The following DENND5B variants were observed in gnomAD, a reference collection of about 807,000 sequenced individuals.
DENND5B encodes the protein DENN domain containing 5B.
A neutral mutation model predicts 140.6 loss-of-function variants in DENND5B; 34 were observed. That is an observed-to-expected ratio of 0.24 (90% CI 0.18 to 0.32). The LOEUF is 0.32. Among genes scored for constraint, DENND5B ranks in the 10% least tolerant of loss-of-function variants. The pLI is 1.00. For synonymous variants in DENND5B, 551 were observed against 562.1 expected (o/e 0.98, Z 0.28); for missense variants, 1,142 against 1,560.2 (o/e 0.73, Z 4.52).
At chr12:31,588,182 G>C (rs987221805) in intron 1 of DENND5B, among the ~76,000 whole-genome samples, 1 of 152,066 alleles carries the variant, frequency 6.6e-6, no homozygotes, top group African/African-American at 2.4e-5. Flanking sequence ...TTTCTTCTGC[G>C]TGCAATGCTG....
intron 13 of DENND5B, among the ~76,000 whole-genome samples, chr12:31,410,549 G>C (rs1380242029): frequency 6.6e-6 from 1 of 152,008 alleles, no homozygotes; most frequent in Non-Finnish European, 1.5e-5. Context: ...GGGACCACAG[G>C]TGCACGCTAC....
intron 1 of DENND5B, among the ~76,000 whole-genome samples, chr12:31,565,222 G>A (rs1376933514): frequency 6.6e-6 from 1 of 151,806 alleles, no homozygotes; most frequent in Non-Finnish European, 1.5e-5. Flanking sequence ...GCAAAACTCT[G>A]TCTCCACAAA....
chr12:31,585,547 A>G (rs905094987), intron 1 of DENND5B, among the ~76,000 whole-genome samples: 3 of 152,342 alleles, frequency 2.0e-5, no homozygotes, highest in South Asian at 2.1e-4. Flanking sequence ...TTTAAATAGA[A>G]TAACTATGGA....
intron 3 of DENND5B, among the ~76,000 whole-genome samples, chr12:31,470,660 T>C (rs1243492998): frequency 5.3e-5 from 8 of 152,240 alleles, no homozygotes; most frequent in Non-Finnish European, 1.2e-4. Flanking sequence ...AGGACAGTCT[T>C]GTGAGAATGA....
intron 19 of DENND5B, among the ~76,000 whole-genome samples, chr12:31,391,152 A>C (rs541511825): frequency 1.1e-4 from 16 of 152,272 alleles, no homozygotes; most frequent in Admixed American, 3.3e-4. Flanking sequence ...ACTGGCACTA[A>C]ACACCCCCTC....
intron 3 of DENND5B, among the ~76,000 whole-genome samples, chr12:31,478,699 T>TAA (rs34417003): frequency 2.4e-4 from 36 of 149,394 alleles, no homozygotes; most frequent in Non-Finnish European, 2.2e-4. Context: ...AGAACTTGTC[T>TAA]AAAAAAAAAA....
At chr12:31,546,899 C>T (rs1487185543) in intron 1 of DENND5B, among the ~76,000 whole-genome samples, 1 of 152,210 alleles carries the variant, frequency 6.6e-6, no homozygotes, top group African/African-American at 2.4e-5. Context: ...CAGTCCGCAA[C>T]ATGAATTTCT....
At chr12:31,499,286 A>G (rs1946909858) in intron 1 of DENND5B, among the ~76,000 whole-genome samples, 1 of 152,244 alleles carries the variant, frequency 6.6e-6, no homozygotes, top group Non-Finnish European at 1.5e-5. Flanking sequence ...TACGACTGCT[A>G]CAACTACATA....
At chr12:31,437,610 T>C (rs1272166499) in intron 7 of DENND5B, among the ~76,000 whole-genome samples, 1 of 152,210 alleles carries the variant, frequency 6.6e-6, no homozygotes, top group African/African-American at 2.4e-5. Context: ...TTTCAGTCCA[T>C]ATGCATGTTT....
chr12:31,513,605 T>C (rs1475864730), intron 1 of DENND5B, among the ~76,000 whole-genome samples: 2 of 152,188 alleles, frequency 1.3e-5, no homozygotes, highest in Admixed American at 6.5e-5. Context: ...ACAACTCTTT[T>C]ATTTGGCTCC....
At chr12:31,442,367 G>C (rs1346953614) in intron 7 of DENND5B, among the ~76,000 whole-genome samples, 1 of 152,170 alleles carries the variant, frequency 6.6e-6, no homozygotes, top group Non-Finnish European at 1.5e-5. Flanking sequence ...CCCCAAAACT[G>C]TGGAAGAATA....
rs553411725 is a variant in DENND5B, at chr12:31,460,336, A to G, written c.950T>C (p.Leu317Ser). 6.2e-7 allele frequency: 1 copy of G among 1,614,028 alleles called. No individual in the cohort carries two copies. Among genetic ancestry groups the G allele is most frequent in the Non-Finnish European group, 8.5e-7 (1 of 1,179,896 alleles). The part of the protein sequence containing the change: ...MTVAEGITTL[L>S]FPFQWQHVYV... ...AACATGTTGCCATTGAAATGGGAAC[A>G]AAAGTGTGGTGATGCCTTCTGCCAC... The change falls in exon 4 of 21, where the codon TTG (leucine) becomes TCG (serine). Residue 317 changes from leucine (L) to serine (S), a missense_variant. By Grantham distance (145) the Leu-to-Ser change is moderately radical (BLOSUM62 -2). Transcript: ENST00000389082.
chr12:31,437,012 G>A (rs1416707588), intron 7 of DENND5B, among the ~76,000 whole-genome samples: 1 of 152,022 alleles, frequency 6.6e-6, no homozygotes, highest in African/African-American at 2.4e-5. Context: ...CATCCTGTAC[G>A]CCTCAATTAT....
intron 1 of DENND5B, among the ~76,000 whole-genome samples, chr12:31,510,659 ATCTC>A (rs945220592): frequency 2.0e-5 from 3 of 151,892 alleles, no homozygotes; most frequent in Non-Finnish European, 2.9e-5. Flanking sequence ...TGCACTTGAA[ATCTC>A]TCTAATTTCT....
At chr12:31,426,502 C>T in intron 8 of DENND5B, 78 bp from the exon 9 acceptor site, 2 of 1,479,494 alleles carry the variant, frequency 1.4e-6, no homozygotes, top group Middle Eastern at 1.8e-4. Flanking sequence ...CAAACAAGTG[C>T]AGAGACAAAT....
At position 31,480,010 on chromosome 12, in the gene DENND5B, A is replaced by G. The variant is rs746968686; in HGVS notation, c.483T>C (p.Ser161=). 1.2e-6 allele frequency: 2 copies of G among 1,614,010 alleles called. No individual in the cohort carries two copies. Among genetic ancestry groups the G allele is most frequent in the Non-Finnish European group, 1.7e-6 (2 of 1,179,878 alleles). The change falls in exon 3 of 21, where the codon AGT becomes AGC. Residue 161 remains serine, a synonymous_variant. Transcript: ENST00000389082. ...SSCSMDSLAS[S]LDEGDTTSLL... is the part of the protein sequence containing the mutation. ...GGGAAGTTGTATCTCCTTCATCAAGACTACTTGCCAATGAGTCCATACTGC... is the reference window on the plus strand; with the variant it reads ...GGGAAGTTGTATCTCCTTCATCAAGGCTACTTGCCAATGAGTCCATACTGC...
At chr12:31,523,060 CTT>C (rs35765933) in intron 1 of DENND5B, among the ~76,000 whole-genome samples, 30 of 139,320 alleles carry the variant, frequency 2.2e-4, no homozygotes, top group Non-Finnish European at 2.7e-4. Flanking sequence ...TTTTTTTTTC[CTT>C]TTTTTTTTTT....
chr12:31,398,417 C>T (rs998680924), intron 16 of DENND5B, 55 bp from the exon 17 acceptor site: 18 of 1,475,494 alleles, frequency 1.2e-5, no homozygotes, highest in Admixed American at 2.6e-5. Context: ...ACAGGGTTCC[C>T]GCTCAGCCCC....
chr12:31,427,108 T>C (rs907714059), intron 8 of DENND5B, among the ~76,000 whole-genome samples: 2 of 152,334 alleles, frequency 1.3e-5, no homozygotes, highest in Non-Finnish European at 2.9e-5. Context: ...GTGATGTTTT[T>C]GCTAAAGCCC....
Sources: gnomAD v4.1 joint callset for allele counts (sites outside exome capture counted in the v4.1 genomes callset) on GRCh38, gnomAD v4.1.1 for gene constraint, MANE v1.5 for transcripts, NCBI Gene and HGNC (gene_info 2026-07-23, HGNC 2026-07-21) for gene names.